BARD1: variants seen among roughly 807,000 people sequenced by gnomAD.
BARD1 encodes the protein BRCA1-associated RING domain protein 1.
In BARD1, 73 loss-of-function variants were observed where a neutral mutation model predicts 77.0. The ratio of observed to expected loss-of-function variants is 0.95; its 90% CI spans 0.79 to 1.15. The LOEUF (loss-of-function observed/expected upper bound fraction) is 1.15. BARD1 is among the 50% of genes most tolerant of loss of function. The pLI, the probability that BARD1 is intolerant of heterozygous loss-of-function variation, is 0.00. For missense variants in BARD1, 993 were observed against 938.8 expected, an observed-to-expected ratio of 1.06 and a Z score of -0.75; for synonymous variants, 384 against 338.0, an observed-to-expected ratio of 1.14 and a Z score of -1.49.
chr2:214,765,585 G>A (rs1694158931), intron 6 of BARD1, among the ~76,000 whole-genome samples: 1 of 152,168 alleles, frequency 6.6e-6, no homozygotes, highest in Non-Finnish European at 1.5e-5. Context: ...AAGTAGTCAT[G>A]GCTGATTTAA....
chr2:214,780,445 A>T, intron 4 of BARD1, 115 bp downstream of exon 4: 2 of 892,154 alleles, frequency 2.2e-6, no homozygotes, highest in South Asian at 1.5e-5. Flanking sequence ...AGGAAGTATC[A>T]TGTCTGTGAA....
intron 6 of BARD1, among the ~76,000 whole-genome samples, chr2:214,764,170 C>T (rs1574780933): frequency 6.6e-6 from 1 of 152,154 alleles, no homozygotes; most frequent in Admixed American, 6.6e-5. Context: ...TGTCATCTGA[C>T]CTTTTATCAA....
At chr2:214,771,045 G>T (rs1694459280) in intron 4 of BARD1, among the ~76,000 whole-genome samples, 1 of 152,184 alleles carries the variant, frequency 6.6e-6, no homozygotes, top group African/African-American at 2.4e-5. Flanking sequence ...GTAAAACAAT[G>T]TCAGGCTTTA....
In BARD1 at chr2:214,780,861, G is replaced by T. The variant is rs587781313; in HGVS notation, c.1013C>A (p.Thr338Asn). 1.2e-6 allele frequency: 2 copies of T among 1,613,968 alleles called. No homozygotes were observed. Among genetic ancestry groups the T allele is most frequent in the African/African-American group, 1.3e-5 (1 of 74,914 alleles). Residue 338 changes from threonine (T) to asparagine (N), a missense_variant, in exon 4 of 11, where the codon ACC (threonine) becomes AAC (asparagine). Transcript: ENST00000260947. ...ATCTCCACTGGTGCTCAGAATGCTG[G>T]TTCTACATCTCTTAGAAATGGGACT... ...LSSPISKRCRTSILSTSGDFV... is the reference protein window; with the variant it reads ...LSSPISKRCRNSILSTSGDFV...
intron 3 of BARD1, among the ~76,000 whole-genome samples, 163 bp from the exon 4 acceptor site, chr2:214,781,672 C>T (rs1023966854): frequency 2.0e-5 from 3 of 152,106 alleles, no homozygotes; most frequent in Admixed American, 6.6e-5. Context: ...CAGATATTCA[C>T]TCATTCAATA....
chr2:214,752,267 T>C (rs922587720), intron 7 of BARD1, among the ~76,000 whole-genome samples, 180 bp downstream of exon 7: 1 of 152,210 alleles, frequency 6.6e-6, no homozygotes, highest in Non-Finnish European at 1.5e-5. Context: ...TCAATAAGTA[T>C]TTCTAGATGG....
At position 214,780,658 on chromosome 2, in the gene BARD1, G is replaced by C. The variant is rs377153250; in HGVS notation, c.1216C>G (p.Arg406Gly). Residue 406 changes from arginine (R) to glycine (G), a missense_variant, in exon 4 of 11, where the codon CGA becomes GGA. Arg to Gly is a moderately radical substitution (Grantham distance 125). Transcript: ENST00000260947. ...ATTGCTGAGGGACTAGACATCACTC[G>C]CCTGTAACTTGAACTACTTAATGTA... ...PSTLSSSSYR[R>G]VMSSPSAMKL... 1.1e-5 allele frequency: 18 copies of C among 1,613,904 alleles called. No homozygotes were observed. The highest frequency in any genetic ancestry group is 4.0e-5 in the African/African-American group (3 of 74,902).
At chr2:214,790,655 T>C (rs1315594576) in intron 3 of BARD1, among the ~76,000 whole-genome samples, 1 of 152,186 alleles carries the variant, frequency 6.6e-6, no homozygotes, top group Non-Finnish European at 1.5e-5. Flanking sequence ...ATGAATACAT[T>C]ACTATACAGC....
At chr2:214,796,053 G>T (rs1025766291) in intron 2 of BARD1, among the ~76,000 whole-genome samples, 2 of 152,024 alleles carry the variant, frequency 1.3e-5, no homozygotes, top group African/African-American at 2.4e-5. Context: ...TCAAATTTCC[G>T]AATGTATTTG....
intron 6 of BARD1, among the ~76,000 whole-genome samples, chr2:214,762,281 C>T (rs572453799): frequency 6.6e-6 from 1 of 152,148 alleles, no homozygotes; most frequent in Non-Finnish European, 1.5e-5. Context: ...TGAGAACCAT[C>T]CCTAAGACAT....
intron 1 of BARD1, among the ~76,000 whole-genome samples, chr2:214,804,805 C>T (rs1696190987): frequency 6.6e-6 from 1 of 152,152 alleles, no homozygotes; most frequent in Admixed American, 6.5e-5. Context: ...TTCTTTATAG[C>T]TAGTTATTTG....
Position 214,726,849 on chromosome 2 carries a change from T to C in BARD1, c.*1827A>G. The C allele has an allele frequency of 4.4e-6, 1 of 225,918 alleles. No individual in the cohort carries two copies. Among genetic ancestry groups the C allele is most frequent in the Non-Finnish European group, 8.8e-6 (1 of 113,440 alleles). The allele number at this position is 225,918 out of a possible 1,614,324, so 14.0% of individuals were successfully genotyped here. ...AACAACAAAAAGAAGGGAGGGGTGA[T>C]AAACCAAGAAAATGAATGACAAAAA... On this transcript the variant is annotated 3_prime_UTR_variant, in exon 11 of 11. Transcript: ENST00000260947.
chr2:214,738,948 C>A (rs1193201695), intron 9 of BARD1, among the ~76,000 whole-genome samples: 1 of 151,952 alleles, frequency 6.6e-6, no homozygotes, highest in Non-Finnish European at 1.5e-5. Flanking sequence ...AGTTCAAGAA[C>A]AGCCTGGGCA....
chr2:214,781,876 T>C (rs1489247929), intron 3 of BARD1, among the ~76,000 whole-genome samples: 3 of 152,220 alleles, frequency 2.0e-5, no homozygotes, highest in South Asian at 2.1e-4. Flanking sequence ...AGATATACCA[T>C]GTTCATGAAC....
rs1394160034 is a variant in BARD1, at chr2:214,751,144, TATATATA to T, written c.1677+1296_1677+1302del. ...ATATATATATATATATATATATATA[TATATATA>T]TTTTTTTTTTTTTTTTTTTTTTTTT... On this transcript the variant is annotated intron_variant, in intron 7 of 10. Transcript: ENST00000260947. Among the ~76,000 whole-genome samples the T allele has an allele frequency of 3.7e-3, 166 of 45,168 alleles. 5 individuals are homozygous for T. The highest frequency in any genetic ancestry group is 6.4e-3 in the South Asian group (7 of 1,090). The allele number at this position is 45,168 out of a possible 152,430, so 29.6% of individuals were successfully genotyped here. A position where few individuals can be genotyped will look rare whatever the true frequency, so the allele number is the denominator to read the frequency against.
chr2:214,769,946 A>G (rs1694401113), intron 4 of BARD1, among the ~76,000 whole-genome samples: 1 of 152,162 alleles, frequency 6.6e-6, no homozygotes, highest in African/African-American at 2.4e-5. Context: ...GAAAAAAACA[A>G]TTTTTGAGCA....
In BARD1 at chr2:214,780,591, C is replaced by T. The variant is rs1272940739; in HGVS notation, c.1283G>A (p.Gly428Glu). 6.2e-7 allele frequency: 1 copy of T among 1,613,890 alleles called. No individual in the cohort carries two copies. Among genetic ancestry groups the T allele is most frequent in the Non-Finnish European group, 8.5e-7 (1 of 1,179,946 alleles). The change falls in exon 4 of 11, where the codon GGA becomes GAA. Residue 428 changes from glycine (G) to glutamate (E), a missense_variant. By Grantham distance (98) the Gly-to-Glu change is moderately conservative. Coordinates refer to ENST00000260947, the MANE Select transcript of BARD1 (RefSeq NM_000465.4). ...PNMAVKRNHRGETLLHIASIK... is the reference protein window; with the variant it reads ...PNMAVKRNHREETLLHIASIK... Reference sequence around the variant, plus strand: ...AGAAGCAATATGGAGCAAAGTCTCTCCTCTATGATTTCTTTTCACAGCCAT... The same window carrying T: ...AGAAGCAATATGGAGCAAAGTCTCTTCTCTATGATTTCTTTTCACAGCCAT...
intron 4 of BARD1, among the ~76,000 whole-genome samples, chr2:214,777,433 T>C (rs1047112011): frequency 1.3e-5 from 2 of 152,168 alleles, no homozygotes; most frequent in Non-Finnish European, 2.9e-5. Context: ...CCTGCTGGGT[T>C]CTCTGCCCTC....
intron 4 of BARD1, among the ~76,000 whole-genome samples, chr2:214,776,028 T>A (rs1694724220): frequency 6.6e-6 from 1 of 152,208 alleles, no homozygotes. Context: ...CTCCAGGGGA[T>A]CTTCATCACC....
Sources: gnomAD v4.1 joint callset for allele counts (sites outside exome capture counted in the v4.1 genomes callset) on GRCh38, gnomAD v4.1.1 for gene constraint, MANE v1.5 for transcripts, NCBI Gene and HGNC (gene_info 2026-07-23, HGNC 2026-07-21) for gene names.